PRKAR2A: variants seen among roughly 807,000 people sequenced by gnomAD.
PRKAR2A encodes the protein cAMP-dependent protein kinase type II-alpha regulatory subunit.
In PRKAR2A, 29 loss-of-function variants were observed where a neutral mutation model predicts 51.9. The observed-to-expected ratio is 0.56, with a 90% CI of 0.42 to 0.76. PRKAR2A has a LOEUF of 0.76. Among genes scored for constraint, PRKAR2A ranks in the 30% least tolerant of loss-of-function variants. The pLI, the probability that PRKAR2A is intolerant of heterozygous loss-of-function variation, is 0.00. For synonymous variants in PRKAR2A, 178 were observed against 186.2 expected (o/e 0.96, Z 0.36); for missense variants, 445 against 512.1 (o/e 0.87, Z 1.26).
intron 6 of PRKAR2A, 76 bp from the exon 7 acceptor site, chr3:48,765,425 C>A: frequency 1.0e-6 from 1 of 959,634 alleles, no homozygotes; most frequent in Non-Finnish European, 1.5e-6. Flanking sequence ...CTGGCCAAAG[C>A]AAATATTAGA....
At chr3:48,756,478 A>G (rs2081767423) in intron 8 of PRKAR2A, 34 bp from the exon 9 acceptor site, 1 of 1,519,558 alleles carries the variant, frequency 6.6e-7, no homozygotes, top group Non-Finnish European at 9.1e-7. Context: ...CAGAGCCATA[A>G]GTAGTATTGA....
At chr3:48,769,035 G>A (rs1382436668) in intron 6 of PRKAR2A, among the ~76,000 whole-genome samples, 2 of 151,802 alleles carry the variant, frequency 1.3e-5, no homozygotes, top group Non-Finnish European at 2.9e-5. Flanking sequence ...TGGAGGCGGA[G>A]GTTGCAGTGA....
chr3:48,842,470 A>G (rs368714047), intron 1 of PRKAR2A, among the ~76,000 whole-genome samples: 5 of 152,280 alleles, frequency 3.3e-5, no homozygotes, highest in Non-Finnish European at 5.9e-5. Flanking sequence ...AGTGGTGAGA[A>G]AGGGCATCCC....
At chr3:48,765,215 C>T (rs1375483579) in intron 7 of PRKAR2A, 33 bp downstream of exon 7, 1 of 1,570,414 alleles carries the variant, frequency 6.4e-7, no homozygotes, top group African/African-American at 1.4e-5. Flanking sequence ...TTTCCTGATC[C>T]CCATGAACAG....
intron 2 of PRKAR2A, among the ~76,000 whole-genome samples, chr3:48,797,506 C>T (rs1272797271): frequency 9.9e-5 from 15 of 152,132 alleles, no homozygotes; most frequent in Admixed American, 9.8e-4. Flanking sequence ...CTTTCCTCAT[C>T]GATTCTCTAA....
chr3:48,764,823 C>A (rs1406933975), intron 8 of PRKAR2A, among the ~76,000 whole-genome samples, 181 bp downstream of exon 8: 1 of 152,266 alleles, frequency 6.6e-6, no homozygotes, highest in Non-Finnish European at 1.5e-5. Flanking sequence ...TGGAGTTTTA[C>A]CATGTTGGCC....
intron 9 of PRKAR2A, among the ~76,000 whole-genome samples, 156 bp from the exon 10 acceptor site, chr3:48,752,473 G>A (rs1241190800): frequency 6.6e-6 from 1 of 152,116 alleles, no homozygotes. Context: ...AAACTCCATG[G>A]ACTAATCTCA....
In PRKAR2A at chr3:48,847,789, CGCCGCCGCTGTCACTGGGCA is replaced by C; in HGVS notation, c.-213_-194del. ...TACGCTACCACGGCCGACCTGGCAC[CGCCGCCGCTGTCACTGGGCA>C]GCCGCCGCCGCCGCGGGGACCGACG... On this transcript the variant is annotated 5_prime_UTR_variant, in exon 1 of 11. Transcript: ENST00000265563. The surrounding 1 kb of genome is among the most constrained non-coding windows in gnomAD (Gnocchi z 4.4). The C allele has an allele frequency of 2.0e-6, 1 of 509,074 alleles. No individual in the cohort carries two copies. The highest frequency in any genetic ancestry group is 3.1e-6 in the Non-Finnish European group (1 of 327,170). 31.5% of individuals were successfully genotyped at this position (509,074 alleles called of 1,614,324 possible). A position where few individuals can be genotyped will look rare whatever the true frequency, so the allele number is the denominator to read the frequency against.
intron 4 of PRKAR2A, 90 bp from the exon 5 acceptor site, chr3:48,783,182 A>G: frequency 1.2e-6 from 1 of 825,804 alleles, no homozygotes; most frequent in East Asian, 2.5e-5. Flanking sequence ...TGACTATGTA[A>G]CAGAAGTCCC....
intron 1 of PRKAR2A, among the ~76,000 whole-genome samples, chr3:48,822,757 T>C (rs1358190479): frequency 1.7e-5 from 2 of 117,408 alleles, no homozygotes; most frequent in East Asian, 3.5e-4. Flanking sequence ...AGACAAGATC[T>C]CGTTCTGTTG....
rs1226530469 is a variant in PRKAR2A at position 48,847,281 on chromosome 3, C to T, written c.262+54G>A. 1 of 1,592,774 alleles carries T rather than the reference C, an allele frequency of 6.3e-7. No homozygotes were observed. The highest frequency in any genetic ancestry group is 1.4e-5 in the African/African-American group (1 of 73,498). On this transcript the variant is annotated intron_variant, in intron 1 of 10. Coordinates refer to ENST00000265563, the MANE Select transcript of PRKAR2A (RefSeq NM_004157.4). The surrounding 1 kb of genome is among the most constrained non-coding windows in gnomAD (Gnocchi z 4.4). ...CGACACCTGGCTCCCTGCCACCCCTCTAGACCTCTGGAGACCTCCTGCACC... is the reference window on the plus strand; with the variant it reads ...CGACACCTGGCTCCCTGCCACCCCTTTAGACCTCTGGAGACCTCCTGCACC...
At chr3:48,846,988 G>A (rs891121309) in intron 1 of PRKAR2A, among the ~76,000 whole-genome samples, 1 of 152,204 alleles carries the variant, frequency 6.6e-6, no homozygotes, top group Non-Finnish European at 1.5e-5. Context: ...TTAAACACAA[G>A]TCACTGGATG....
At chr3:48,792,757 A>C (rs527992341) in intron 3 of PRKAR2A, among the ~76,000 whole-genome samples, 154 of 152,228 alleles carry the variant, frequency 1.0e-3, no homozygotes, top group African/African-American at 3.5e-3. Context: ...TACCACACCC[A>C]ACCTATAACA....
At chr3:48,791,363 G>A (rs745660358) in intron 3 of PRKAR2A, among the ~76,000 whole-genome samples, 1 of 148,976 alleles carries the variant, frequency 6.7e-6, no homozygotes, top group Non-Finnish European at 1.5e-5. Context: ...TTGGTAGGCT[G>A]AGGCAGGCGG....
downstream of PRKAR2A, among the ~76,000 whole-genome samples, chr3:48,746,406 CT>C (rs1408259328): frequency 1.3e-5 from 2 of 150,222 alleles, no homozygotes; most frequent in African/African-American, 4.9e-5. Flanking sequence ...CACACACACC[CT>C]ACTGACTGCT....
In PRKAR2A at chr3:48,749,079, A is replaced by G. The variant is rs968164467; in HGVS notation, c.*2506T>C. 2 of 152,222 alleles carry G rather than the reference A, an allele frequency of 1.3e-5. No individual in the cohort carries two copies. The highest frequency in any genetic ancestry group is 4.8e-5 in the African/African-American group (2 of 41,448). 9.4% of individuals were successfully genotyped at this position (152,222 alleles called of 1,614,324 possible). On this transcript the variant is annotated 3_prime_UTR_variant, in exon 11 of 11. Coordinates refer to ENST00000265563, the MANE Select transcript of PRKAR2A (RefSeq NM_004157.4). ...ATAGTTGAAGGTGACTGTGTGGGCCATCATTATCTACAATAGAAATGACTC... is the reference window on the plus strand; with the variant it reads ...ATAGTTGAAGGTGACTGTGTGGGCCGTCATTATCTACAATAGAAATGACTC...
At chr3:48,841,870 C>T (rs949036316) in intron 1 of PRKAR2A, among the ~76,000 whole-genome samples, 1 of 151,848 alleles carries the variant, frequency 6.6e-6, no homozygotes. Flanking sequence ...CCTGAGACAC[C>T]AAAAATACTT....
chr3:48,784,528 G>C (rs1016376906), intron 4 of PRKAR2A, among the ~76,000 whole-genome samples: 5 of 152,156 alleles, frequency 3.3e-5, no homozygotes, highest in African/African-American at 1.2e-4. Context: ...GTTCAATACA[G>C]ACCAAACACA....
intron 1 of PRKAR2A, among the ~76,000 whole-genome samples, chr3:48,827,999 G>C (rs1341871107): frequency 6.6e-6 from 1 of 151,904 alleles, no homozygotes; most frequent in Admixed American, 6.6e-5. Flanking sequence ...CCAAGTAGCT[G>C]GGATTACAGA....
Sources: allele counts gnomAD v4.1 joint callset (sites outside exome capture counted in the v4.1 genomes callset), GRCh38; gene constraint gnomAD v4.1.1; non-coding constraint Gnocchi (gnomAD v3.1); transcripts MANE v1.5; gene names NCBI Gene and HGNC (gene_info 2026-07-23, HGNC 2026-07-21).